Variants in LPP observed in about 807,000 individuals in gnomAD.
LPP encodes the protein lipoma-preferred partner.
A neutral mutation model predicts 60.4 loss-of-function variants in LPP; 38 were observed. The ratio of observed to expected loss-of-function variants is 0.63; its 90% CI spans 0.49 to 0.83. The LOEUF (loss-of-function observed/expected upper bound fraction) is 0.83. LPP is among the 40% of genes least tolerant of loss of function. The pLI, the probability that LPP is intolerant of heterozygous loss-of-function variation, is 0.00. For missense variants in LPP, 902 were observed against 783.6 expected (o/e 1.15, Z -1.80); for synonymous variants, 328 against 290.8 (o/e 1.13, Z -1.30).
intron 5 of LPP, 74 bp downstream of exon 5, chr3:188,484,778 C>T: frequency 9.1e-7 from 1 of 1,095,290 alleles, no homozygotes; most frequent in Non-Finnish European, 1.4e-6. Flanking sequence ...TCCTAGGGAG[C>T]TCATGAATTT....
chr3:188,397,866 G>A (rs745306634), intron 3 of LPP, among the ~76,000 whole-genome samples: 1 of 151,968 alleles, frequency 6.6e-6, no homozygotes, highest in African/African-American at 2.4e-5. Context: ...TGCCTTCCTC[G>A]GCCTCCCAAA....
intron 3 of LPP, among the ~76,000 whole-genome samples, chr3:188,345,462 T>C (rs1764084507): frequency 6.6e-6 from 1 of 152,082 alleles, no homozygotes; most frequent in African/African-American, 2.4e-5. Flanking sequence ...TATAGGAATC[T>C]GAGAATGAGC....
rs182049587 is a variant in LPP, at chr3:188,174,641, C to G, written c.-190+20389C>G. Among the ~76,000 whole-genome samples, 92 of 152,262 alleles carry G rather than the reference C, an allele frequency of 6.0e-4. 1 individual carries two copies. The highest frequency in any genetic ancestry group is 2.0e-3 in the African/African-American group (84 of 41,550). ...TCTTCCTTATCCTGCCATTTATGGT[C>G]TTATTGAAGGGGGCCAGCTGACTTC... On this transcript the variant is annotated intron_variant, in intron 1 of 11. Coordinates refer to ENST00000617246, the MANE Select transcript of LPP (RefSeq NM_001375462.1).
intron 2 of LPP, among the ~76,000 whole-genome samples, chr3:188,242,980 A>T (rs60148764): frequency 0.017 from 2,588 of 152,316 alleles, 68 homozygotes; most frequent in African/African-American, 0.056. Context: ...GAGTATAAAA[A>T]AGAGAGGAAG....
intron 2 of LPP, among the ~76,000 whole-genome samples, chr3:188,331,069 A>T (rs1170082149): frequency 6.6e-6 from 1 of 151,948 alleles, no homozygotes; most frequent in Non-Finnish European, 1.5e-5. Flanking sequence ...TTGCATAGTG[A>T]TAGCTGATTG....
At chr3:188,840,054 C>T (rs1369325044) in intron 9 of LPP, among the ~76,000 whole-genome samples, 1 of 152,072 alleles carries the variant, frequency 6.6e-6, no homozygotes, top group Non-Finnish European at 1.5e-5. Context: ...AGTCTTACCT[C>T]CTAGAATACT....
At chr3:188,658,515 A>G (rs1853872024) in intron 7 of LPP, among the ~76,000 whole-genome samples, 1 of 151,170 alleles carries the variant, frequency 6.6e-6, no homozygotes, top group Non-Finnish European at 1.5e-5. Flanking sequence ...TCCTCTCTCC[A>G]CTCTCTCAAT....
chr3:188,442,586 G>A (rs552518442), intron 4 of LPP, among the ~76,000 whole-genome samples: 20 of 152,186 alleles, frequency 1.3e-4, no homozygotes, highest in African/African-American at 4.3e-4. Flanking sequence ...TTGGTGGCCC[G>A]GGCAGCAACA....
chr3:188,621,943 G>A (rs915617875), intron 7 of LPP, among the ~76,000 whole-genome samples: 6 of 152,064 alleles, frequency 3.9e-5, no homozygotes, highest in Non-Finnish European at 7.4e-5. Flanking sequence ...TACAGGCTGG[G>A]ATTACACCAC....
At chr3:188,729,120 G>A (rs1329956551) in intron 8 of LPP, among the ~76,000 whole-genome samples, 1 of 152,196 alleles carries the variant, frequency 6.6e-6, no homozygotes, top group Admixed American at 6.5e-5. Context: ...TTTCCAAGTA[G>A]AGAAAGAGAA....
chr3:188,314,384 A>C (rs966749705), intron 2 of LPP, among the ~76,000 whole-genome samples: 11 of 152,112 alleles, frequency 7.2e-5, no homozygotes, highest in African/African-American at 2.2e-4. Flanking sequence ...TATTCTAAAA[A>C]AATTTTATGT....
At chr3:188,455,304 A>T (rs900842748) in intron 4 of LPP, among the ~76,000 whole-genome samples, 14 of 152,156 alleles carry the variant, frequency 9.2e-5, no homozygotes, top group Non-Finnish European at 1.5e-4. Flanking sequence ...GAAGGTACTG[A>T]CCAGATTCAC....
intron 9 of LPP, among the ~76,000 whole-genome samples, chr3:188,819,304 C>A (rs1180219929): frequency 6.6e-6 from 1 of 151,902 alleles, no homozygotes; most frequent in Non-Finnish European, 1.5e-5. Context: ...CCTTTCTCCC[C>A]CTCCTTCCTT....
chr3:188,374,603 T>G (rs1320718579), intron 3 of LPP, among the ~76,000 whole-genome samples: 2 of 152,234 alleles, frequency 1.3e-5, no homozygotes, highest in Non-Finnish European at 2.9e-5. Flanking sequence ...GAGGAGATTT[T>G]GGGCTGAGAT....
chr3:188,365,906 G>A (rs1422372258), intron 3 of LPP, among the ~76,000 whole-genome samples: 2 of 152,108 alleles, frequency 1.3e-5, no homozygotes, highest in African/African-American at 4.8e-5. Flanking sequence ...TATGTGGTGA[G>A]AACGTTTAAG....
At chr3:188,513,318 T>C (rs1816364979) in intron 5 of LPP, among the ~76,000 whole-genome samples, 1 of 152,228 alleles carries the variant, frequency 6.6e-6, no homozygotes, top group African/African-American at 2.4e-5. Context: ...TCTGTAGCAG[T>C]GGTTTTTAAA....
chr3:188,755,847 A>C (rs1577363071), intron 8 of LPP, among the ~76,000 whole-genome samples: 5 of 43,580 alleles, frequency 1.1e-4, no homozygotes, highest in Non-Finnish European at 1.3e-4. Flanking sequence ...AAAAAAAAAA[A>C]AAAAAAAAAA....
rs1022414850 is a variant in LPP at position 188,691,535 on chromosome 3, C to T, written c.1114-16732C>T. On this transcript the variant is annotated intron_variant, in intron 7 of 11. Coordinates refer to ENST00000617246, the MANE Select transcript of LPP (RefSeq NM_001375462.1). ...ATGATGGTTTGTGTGTCCCTTTATT[C>T]ATATTGCCATTCACAAATTACTTGA... Among the ~76,000 whole-genome samples the T allele has an allele frequency of 4.6e-5, 7 of 152,184 alleles. No individual in the cohort carries two copies. In the East Asian group the frequency reaches 7.7e-4, roughly 17 times the overall value.
intron 2 of LPP, among the ~76,000 whole-genome samples, chr3:188,237,215 A>G (rs1312526559): frequency 6.6e-6 from 1 of 152,190 alleles, no homozygotes; most frequent in Non-Finnish European, 1.5e-5. Flanking sequence ...ACAGCAACAC[A>G]GTTGCATCTT....
Sources: gnomAD v4.1 joint callset for allele counts (sites outside exome capture counted in the v4.1 genomes callset) on GRCh38, gnomAD v4.1.1 for gene constraint, MANE v1.5 for transcripts, NCBI Gene and HGNC (gene_info 2026-07-23, HGNC 2026-07-21) for gene names.